Variants in NCLN observed in about 807,000 individuals in gnomAD.
NCLN encodes nicalin.
Under a neutral mutation model 69.5 loss-of-function variants are expected in NCLN, and 34 were observed. The ratio of observed to expected loss-of-function variants is 0.49; its 90% CI spans 0.37 to 0.65. The LOEUF (loss-of-function observed/expected upper bound fraction) is 0.65. Among genes scored for constraint, NCLN ranks in the 30% least tolerant of loss-of-function variants. The pLI is 0.00. For missense variants in NCLN, 710 were observed against 804.8 expected (o/e 0.88, Z 1.42); for synonymous variants, 393 against 358.3 (o/e 1.10, Z -1.09).
intron 7 of NCLN, 70 bp downstream of exon 7, chr19:3,203,914 G>T: frequency 1.9e-6 from 3 of 1,577,750 alleles, no homozygotes; most frequent in East Asian, 2.3e-5. Context: ...AGGCCCAGGG[G>T]TTGCCATGGG....
intron 5 of NCLN, 79 bp from the exon 6 acceptor site, chr19:3,201,444 G>C (rs112355639): frequency 3.0e-6 from 3 of 989,494 alleles, no homozygotes; most frequent in Non-Finnish European, 4.5e-6. Context: ...AGAGATGACT[G>C]TGGCTGCTGT....
At chr19:3,192,100 A>G (rs1330142203) in intron 1 of NCLN, among the ~76,000 whole-genome samples, 1 of 152,194 alleles carries the variant, frequency 6.6e-6, no homozygotes, top group Non-Finnish European at 1.5e-5. Context: ...CGGCAGGAGA[A>G]TAGATTGAAC....
chr19:3,190,636 G>A (rs1235474318), intron 1 of NCLN, among the ~76,000 whole-genome samples: 1 of 152,210 alleles, frequency 6.6e-6, no homozygotes, highest in African/African-American at 2.4e-5. Context: ...CACCTTCAGA[G>A]CGAGGCTGGC....
At chr19:3,186,951 G>T (rs1189138514) in intron 1 of NCLN, among the ~76,000 whole-genome samples, 6 of 152,050 alleles carry the variant, frequency 3.9e-5, no homozygotes, top group Non-Finnish European at 7.4e-5. Context: ...GTCCCAGTTC[G>T]TGAGTCATGT....
chr19:3,207,323 G>A lies in NCLN; in HGVS notation c.1554-68G>A, dbSNP rs1000753834. On this transcript the variant is annotated intron_variant, in intron 13 of 14. Transcript: ENST00000246117. The stretch of plus-strand genomic sequence containing the variant: ...TACAGCCGAGGGGACTGCGGCCCAC[G>A]GGGGTCTAGGGGTTCATGTTACTGC... 40 of 1,611,992 alleles carry A rather than the reference G, an allele frequency of 2.5e-5. 1 individual carries two copies. In the Admixed American group the frequency reaches 4.2e-4, roughly 17 times the overall value.
chr19:3,204,174 A>G (rs8106438), intron 8 of NCLN, 30 bp downstream of exon 8: 734,858 of 1,494,798 alleles, frequency 0.49, 187,254 homozygotes, highest in East Asian at 0.89. Flanking sequence ...ATGGGTCCGG[A>G]GCTCTGCGGA....
At position 3,204,754 on chromosome 19, in the gene NCLN, G is replaced by T; in HGVS notation, c.1208+3G>T. 1 of 1,497,104 alleles carries T rather than the reference G, an allele frequency of 6.7e-7. No homozygotes were observed. Among genetic ancestry groups the T allele is most frequent in the Non-Finnish European group, 8.9e-7 (1 of 1,122,994 alleles). 92.7% of individuals were successfully genotyped at this position (1,497,104 alleles called of 1,614,324 possible). On this transcript the variant is annotated splice_donor_region_variant and intron_variant, in intron 9 of 14. Coordinates refer to ENST00000246117, the MANE Select transcript of NCLN (RefSeq NM_020170.4). ...CGCAGCAGCATCATGGACGTGCGGTGAGCGCGGCAGCACCTGCCCGGCCCC... is the reference window on the plus strand; with the variant it reads ...CGCAGCAGCATCATGGACGTGCGGTTAGCGCGGCAGCACCTGCCCGGCCCC...
intron 2 of NCLN, 131 bp downstream of exon 2, chr19:3,192,791 C>T: frequency 1.2e-6 from 1 of 822,034 alleles, no homozygotes; most frequent in Non-Finnish European, 1.8e-6. Flanking sequence ...TGTTCCCCTG[C>T]TCCATTGATC....
At chr19:3,194,913 C>T (rs1915918580) in intron 3 of NCLN, among the ~76,000 whole-genome samples, 1 of 151,888 alleles carries the variant, frequency 6.6e-6, no homozygotes, top group Non-Finnish European at 1.5e-5. Context: ...GTGGCTCACG[C>T]CTGTTGTCCC....
At chr19:3,198,191 G>T (rs1187013199) in intron 4 of NCLN, among the ~76,000 whole-genome samples, 1 of 152,128 alleles carries the variant, frequency 6.6e-6, no homozygotes, top group Non-Finnish European at 1.5e-5. Flanking sequence ...CTCCTGAGGG[G>T]CTCAGCCCCG....
chr19:3,206,750 C>G (rs367898866), intron 12 of NCLN, among the ~76,000 whole-genome samples: 3 of 152,190 alleles, frequency 2.0e-5, no homozygotes, highest in African/African-American at 7.2e-5. Context: ...ACGGAAGAAT[C>G]GCTTGAACCC....
intron 1 of NCLN, 99 bp downstream of exon 1, chr19:3,186,313 T>A: frequency 1.5e-6 from 2 of 1,294,694 alleles, no homozygotes; most frequent in Non-Finnish European, 2.0e-6. Flanking sequence ...CGGCCTGGGC[T>A]GCCCGACCCA....
chr19:3,201,403 T>G, intron 5 of NCLN, 120 bp from the exon 6 acceptor site: 1 of 691,948 alleles, frequency 1.4e-6, no homozygotes, highest in Non-Finnish European at 2.5e-6. Flanking sequence ...GCAGAGGTCA[T>G]GGGGCTACGG....
intron 1 of NCLN, among the ~76,000 whole-genome samples, chr19:3,191,212 G>A (rs1265688561): frequency 6.6e-6 from 1 of 152,120 alleles, no homozygotes; most frequent in Non-Finnish European, 1.5e-5. Flanking sequence ...CCCCTGAGCT[G>A]CGTCTTGTTG....
chr19:3,186,332 C>T, intron 1 of NCLN, 118 bp downstream of exon 1: 4 of 1,184,330 alleles, frequency 3.4e-6, no homozygotes, highest in Non-Finnish European at 4.4e-6. Flanking sequence ...CATGCTCAGG[C>T]CCCAGGCGAG....
Position 3,207,761 on chromosome 19 carries a change from G to A in NCLN, c.*73G>A, listed in dbSNP as rs1916312230. The A allele has an allele frequency of 5.1e-6, 7 of 1,378,664 alleles. No homozygotes were observed. Among genetic ancestry groups the A allele is most frequent in the Admixed American group, 1.7e-5 (1 of 57,650 alleles). The allele number at this position is 1,378,664 out of a possible 1,614,324, so 85.4% of individuals were successfully genotyped here. ...GGCCGAGCACGAGTGAGTGGACACT[G>A]CCCCGCCGCGGGCGGCCCTGCAGGG... On this transcript the variant is annotated 3_prime_UTR_variant, in exon 15 of 15. Coordinates refer to ENST00000246117, the MANE Select transcript of NCLN (RefSeq NM_020170.4).
At chr19:3,203,605 G>T in intron 6 of NCLN, 151 bp from the exon 7 acceptor site, 1 of 677,670 alleles carries the variant, frequency 1.5e-6, no homozygotes, top group Non-Finnish European at 2.5e-6. Flanking sequence ...CCACAGGGCC[G>T]AGGGGTCATG....
intron 12 of NCLN, among the ~76,000 whole-genome samples, 159 bp from the exon 13 acceptor site, chr19:3,207,039 G>T (rs890458100): frequency 6.6e-6 from 1 of 151,996 alleles, no homozygotes; most frequent in African/African-American, 2.4e-5. Context: ...GGCCAGGTTG[G>T]TCTTGAACTC....
At position 3,204,729 on chromosome 19, in the gene NCLN, C is replaced by T. The variant is rs755831463; in HGVS notation, c.1186C>T (p.Arg396Cys). The T allele has an allele frequency of 1.3e-6, 2 of 1,564,770 alleles. No individual in the cohort carries two copies. The highest frequency in any genetic ancestry group is 1.2e-5 in the South Asian group (1 of 84,982). ...SHLESHRDGQ[R>C]SSIMDVRSRV... ...CCTGGAGAGCCACCGTGACGGCCAG[C>T]GCAGCAGCATCATGGACGTGCGGTG... The change falls in exon 9 of 15, where the codon CGC (arginine) becomes TGC (cysteine). Residue 396 changes from arginine (R) to cysteine (C), a missense_variant. Transcript: ENST00000246117.
Sources: allele counts gnomAD v4.1 joint callset (sites outside exome capture counted in the v4.1 genomes callset), GRCh38; gene constraint gnomAD v4.1.1; transcripts MANE v1.5; gene names NCBI Gene and HGNC (gene_info 2026-07-23, HGNC 2026-07-21).